Variants in MACROD2 observed in about 807,000 individuals in gnomAD.
MACROD2 encodes the protein ADP-ribose glycohydrolase MACROD2.
In MACROD2, 36 loss-of-function variants were observed where a neutral mutation model predicts 70.4. The ratio of observed to expected loss-of-function variants is 0.51; its 90% CI spans 0.39 to 0.68. MACROD2 has a LOEUF of 0.68. MACROD2 is among the 30% of genes least tolerant of loss of function. The probability of loss-of-function intolerance (pLI) is 0.00; values close to 1 mark genes in which losing one functional copy is unlikely to be tolerated. For missense variants in MACROD2, 496 were observed against 538.4 expected, an observed-to-expected ratio of 0.92 and a Z score of 0.78; for synonymous variants, 172 against 178.8, an observed-to-expected ratio of 0.96 and a Z score of 0.30.
chr20:15,575,772 A>G (rs969209161), intron 8 of MACROD2, among the ~76,000 whole-genome samples: 2 of 152,164 alleles, frequency 1.3e-5, no homozygotes, highest in African/African-American at 2.4e-5. Context: ...GGGCACATCC[A>G]TGTAACCAGC....
chr20:14,286,505 T>C (rs1314547225), intron 3 of MACROD2, among the ~76,000 whole-genome samples: 1 of 152,172 alleles, frequency 6.6e-6, no homozygotes, highest in Non-Finnish European at 1.5e-5. Context: ...CTGCCAGGTT[T>C]TTATTACTAA....
At chr20:14,428,056 A>T (rs1176704883) in intron 3 of MACROD2, among the ~76,000 whole-genome samples, 2 of 152,166 alleles carry the variant, frequency 1.3e-5, no homozygotes, top group African/African-American at 4.8e-5. Flanking sequence ...TAAAATAATG[A>T]TATCATATGA....
At chr20:15,428,893 G>C (rs6034187) in intron 6 of MACROD2, among the ~76,000 whole-genome samples, 48,568 of 151,910 alleles carry the variant, frequency 0.32, 8,153 homozygotes, top group African/African-American at 0.41. Flanking sequence ...TGCAGAGGTT[G>C]TCAAACATTT....
At chr20:15,561,477 G>C (rs1208618779) in intron 8 of MACROD2, among the ~76,000 whole-genome samples, 3 of 152,162 alleles carry the variant, frequency 2.0e-5, no homozygotes, top group African/African-American at 7.2e-5. Context: ...TGTTCTTGGA[G>C]ATTCTCTATG....
intron 5 of MACROD2, among the ~76,000 whole-genome samples, chr20:14,917,560 G>C (rs913789): frequency 0.91 from 138,179 of 152,088 alleles, 62,948 homozygotes; most frequent in East Asian, 1. Context: ...TCACCGGGAA[G>C]CCTATGGAAG....
chr20:15,600,825 A>G (rs1171276346), intron 8 of MACROD2, among the ~76,000 whole-genome samples: 3 of 152,220 alleles, frequency 2.0e-5, no homozygotes, highest in Admixed American at 1.3e-4. Flanking sequence ...AGATAAACAC[A>G]GGAGCTCAAA....
intron 10 of MACROD2, among the ~76,000 whole-genome samples, chr20:15,919,504 A>G (rs2065369791): frequency 2.0e-5 from 3 of 152,316 alleles, no homozygotes; most frequent in Middle Eastern, 6.8e-3. Flanking sequence ...TGGGAGGCCG[A>G]GGTGGGCAGA....
chr20:14,778,518 G>C (rs1266453505), intron 5 of MACROD2, among the ~76,000 whole-genome samples: 1 of 152,040 alleles, frequency 6.6e-6, no homozygotes, highest in Non-Finnish European at 1.5e-5. Flanking sequence ...TCTTCACTAA[G>C]ACCCGGTCTA....
intron 3 of MACROD2, among the ~76,000 whole-genome samples, chr20:14,213,898 G>A (rs1286577399): frequency 6.6e-6 from 1 of 152,022 alleles, no homozygotes. Flanking sequence ...AAGATTAAAA[G>A]GAGTCATTAA....
chr20:14,829,232 C>T (rs1242140013), intron 5 of MACROD2, among the ~76,000 whole-genome samples: 2 of 150,310 alleles, frequency 1.3e-5, no homozygotes, highest in East Asian at 3.9e-4. Context: ...CGGGTTCATG[C>T]CATTCTCCTG....
In MACROD2 at chr20:15,143,817, G is replaced by A. The variant is rs186698408; in HGVS notation, c.419-86123G>A. Among the ~76,000 whole-genome samples, 81 of 151,572 alleles carry A rather than the reference G, an allele frequency of 5.3e-4. 1 individual carries two copies. In the East Asian group the frequency reaches 0.015, roughly 28 times the overall value. ...GAATCATATTCTCGATTCACAATAA[G>A]CAGATCACCAGCACAAAAACATTCA... On this transcript the variant is annotated intron_variant, in intron 5 of 17. Transcript: ENST00000684519.
intron 5 of MACROD2, among the ~76,000 whole-genome samples, chr20:14,933,076 CT>C (rs35220287): frequency 7.8e-4 from 115 of 148,286 alleles, no homozygotes; most frequent in Non-Finnish European, 8.5e-4. Context: ...TTAACGTAAC[CT>C]TTTTTTTTTA....
chr20:15,087,724 T>C (rs1201955813), intron 5 of MACROD2, among the ~76,000 whole-genome samples: 2 of 152,018 alleles, frequency 1.3e-5, no homozygotes, highest in Non-Finnish European at 2.9e-5. Flanking sequence ...AAATTTTTCA[T>C]GGCAAATGTC....
intron 5 of MACROD2, among the ~76,000 whole-genome samples, chr20:15,085,766 A>G (rs546317568): frequency 1.2e-4 from 19 of 152,076 alleles, no homozygotes; most frequent in African/African-American, 3.1e-4. Context: ...CAAAAATCAC[A>G]CCACTAACAT....
At chr20:15,307,444 T>G (rs2077708984) in intron 6 of MACROD2, among the ~76,000 whole-genome samples, 1 of 152,138 alleles carries the variant, frequency 6.6e-6, no homozygotes, top group South Asian at 2.1e-4. Flanking sequence ...AATCCTCAAG[T>G]GTTTACATTG....
chr20:14,936,159 G>A (rs886395506), intron 5 of MACROD2, among the ~76,000 whole-genome samples: 1 of 152,132 alleles, frequency 6.6e-6, no homozygotes, highest in East Asian at 1.9e-4. Context: ...AAATGGTACT[G>A]AGCATGGAGA....
chr20:15,000,868 A>G (rs2074989833), intron 5 of MACROD2, among the ~76,000 whole-genome samples: 2 of 152,158 alleles, frequency 1.3e-5, no homozygotes, highest in South Asian at 4.1e-4. Flanking sequence ...TGATATTTTA[A>G]TAACTTCAAA....
At chr20:15,251,525 G>A (rs1351942537) in intron 6 of MACROD2, among the ~76,000 whole-genome samples, 1 of 152,160 alleles carries the variant, frequency 6.6e-6, no homozygotes, top group East Asian at 1.9e-4. Context: ...CTTAATGAAG[G>A]ACTTGGGTGT....
chr20:14,194,451 A>G (rs577957726), intron 3 of MACROD2, among the ~76,000 whole-genome samples: 16 of 152,294 alleles, frequency 1.1e-4, no homozygotes, highest in Non-Finnish European at 1.9e-4. Flanking sequence ...GCCATGCTAT[A>G]GGGATAGGGG....
Sources: gnomAD v4.1 joint callset for allele counts (sites outside exome capture counted in the v4.1 genomes callset) on GRCh38, gnomAD v4.1.1 for gene constraint, MANE v1.5 for transcripts, NCBI Gene and HGNC (gene_info 2026-07-23, HGNC 2026-07-21) for gene names.